ABLIM2: variants seen among roughly 807,000 people sequenced by gnomAD.
ABLIM2 encodes actin binding LIM protein family member 2.
A neutral mutation model predicts 97.7 loss-of-function variants in ABLIM2; 53 were observed. The observed-to-expected ratio is 0.54, with a 90% CI of 0.44 to 0.68. ABLIM2 has a LOEUF of 0.68. Ranked by LOEUF, ABLIM2 falls within the 30% of genes least tolerant of loss-of-function variation. The pLI is 0.00. For synonymous variants in ABLIM2, 361 were observed against 345.8 expected (o/e 1.04, Z -0.49); for missense variants, 835 against 867.2 (o/e 0.96, Z 0.47).
rs1203704022 is a variant in ABLIM2, at chr4:8,075,133, C to CT, written c.675+2494dup. 6.6e-6 allele frequency among the ~76,000 whole-genome samples: 1 copy of CT among 152,202 alleles called. No homozygotes were observed. The highest frequency in any genetic ancestry group is 1.5e-5 in the Non-Finnish European group (1 of 68,050). On this transcript the variant is annotated intron_variant, in intron 6 of 20. Coordinates refer to ENST00000447017, the MANE Select transcript of ABLIM2 (RefSeq NM_001130083.2). This position sits in a 1 kb window ranked among gnomAD's most constrained non-coding sequence, Gnocchi z 4.4. ...GATGAAATATGATGCGAGAGTAAAG[C>CT]TTATGTCCGAACGAACCTTGAAAAC...
intron 1 of ABLIM2, 138 bp from the exon 2 acceptor site, chr4:8,106,775 G>T: frequency 9.1e-7 from 1 of 1,097,438 alleles, no homozygotes. Context: ...ACGGGGCATC[G>T]GGGTCGGTCT....
intron 17 of ABLIM2, chr4:7,989,462 C>T (rs1747017043): frequency 1.0e-6 from 1 of 985,158 alleles, no homozygotes; most frequent in Middle Eastern, 5.2e-4. Flanking sequence ...TGCCATGTTG[C>T]TTGGTGCATT....
chr4:8,079,958 T>C (rs1318381242), intron 5 of ABLIM2, among the ~76,000 whole-genome samples: 4 of 152,142 alleles, frequency 2.6e-5, no homozygotes, highest in African/African-American at 9.7e-5. Context: ...CTTCAGCTCG[T>C]CCACATATTC....
In ABLIM2 at chr4:7,970,199, C is replaced by G. The variant is rs375600428; in HGVS notation, c.1825-3096G>C. On this transcript the variant is annotated intron_variant, in intron 20 of 20. Coordinates refer to ENST00000447017, the MANE Select transcript of ABLIM2 (RefSeq NM_001130083.2). The surrounding 1 kb of genome is among the most constrained non-coding windows in gnomAD (Gnocchi z 5.3). ...GGTAGGCTGGGGTGGTGAACTGACA[C>G]GTAAGTAAATATGTAAAGGAGGGGA... Among the ~76,000 whole-genome samples, 2 of 152,046 alleles carry G rather than the reference C, an allele frequency of 1.3e-5. No individual in the cohort carries two copies. The highest frequency in any genetic ancestry group is 6.6e-5 in the Admixed American group (1 of 15,260).
chr4:8,087,291 C>T lies in ABLIM2; in HGVS notation c.454+878G>A, dbSNP rs1824313122. 6.6e-6 allele frequency among the ~76,000 whole-genome samples: 1 copy of T among 152,186 alleles called. No homozygotes were observed. Among genetic ancestry groups the T allele is most frequent in the South Asian group, 2.1e-4 (1 of 4,836 alleles). On this transcript the variant is annotated intron_variant, in intron 4 of 20. Transcript: ENST00000447017. This position sits in a 1 kb window ranked among gnomAD's most constrained non-coding sequence, Gnocchi z 4.6. ...TGTGCCATCTCATGATCCGGCAGAG[C>T]CACCCCAGCTGGGAAAGGCCACCTG...
chr4:8,056,821 G>A (rs1379472352), intron 7 of ABLIM2, among the ~76,000 whole-genome samples: 1 of 150,332 alleles, frequency 6.7e-6, no homozygotes, highest in Non-Finnish European at 1.5e-5. Flanking sequence ...AGTCCCAGCT[G>A]CTCGGGAGGC....
chr4:8,095,851 C>T lies in ABLIM2; in HGVS notation c.338+1248G>A, dbSNP rs1831303368. Among the ~76,000 whole-genome samples, 1 of 152,188 alleles carries T rather than the reference C, an allele frequency of 6.6e-6. No individual in the cohort carries two copies. The highest frequency in any genetic ancestry group is 1.5e-5 in the Non-Finnish European group (1 of 68,050). Reference sequence around the variant, plus strand: ...GCCCTGGACAGGACTCAGATGTTTCCCAAATCCAGGAATTGTTTCGCTTGC... The same window carrying T: ...GCCCTGGACAGGACTCAGATGTTTCTCAAATCCAGGAATTGTTTCGCTTGC... On this transcript the variant is annotated intron_variant, in intron 3 of 20. Coordinates refer to ENST00000447017, the MANE Select transcript of ABLIM2 (RefSeq NM_001130083.2). This position sits in a 1 kb window ranked among gnomAD's most constrained non-coding sequence, Gnocchi z 4.7.
chr4:8,078,454 C>G (rs1366497388), intron 5 of ABLIM2, among the ~76,000 whole-genome samples: 1 of 152,252 alleles, frequency 6.6e-6, no homozygotes, highest in Non-Finnish European at 1.5e-5. Context: ...TCCGAGTCTC[C>G]ATAAATGAGC....
chr4:8,145,970 T>C (rs927492620), intron 1 of ABLIM2, among the ~76,000 whole-genome samples: 2 of 152,234 alleles, frequency 1.3e-5, no homozygotes, highest in Non-Finnish European at 2.9e-5. Flanking sequence ...GCCACTAGCA[T>C]GTCCTTAAAA....
intron 2 of ABLIM2, among the ~76,000 whole-genome samples, chr4:8,105,793 T>TGGAA (rs1837079233): frequency 6.6e-6 from 1 of 152,216 alleles, no homozygotes; most frequent in African/African-American, 2.4e-5. Context: ...GCACATCCCT[T>TGGAA]CCTCCAGTGC....
chr4:8,116,263 T>A (rs1187480514), intron 1 of ABLIM2, among the ~76,000 whole-genome samples: 2 of 152,176 alleles, frequency 1.3e-5, no homozygotes, highest in Admixed American at 1.3e-4. Flanking sequence ...GCCCCAGACA[T>A]CAAAAGACCT....
At position 8,033,924 on chromosome 4, in the gene ABLIM2, T is replaced by G. The variant is rs1022194084; in HGVS notation, c.1047+2225A>C. Among the ~76,000 whole-genome samples, 1 of 152,170 alleles carries G rather than the reference T, an allele frequency of 6.6e-6. No homozygotes were observed. The highest frequency in any genetic ancestry group is 1.5e-5 in the Non-Finnish European group (1 of 68,012). Reference sequence around the variant, plus strand: ...CATCACCTCTGCATGTGGCCCTTCATGGCCACAGAGCCCTCCCACAGGGAC... The same window carrying G: ...CATCACCTCTGCATGTGGCCCTTCAGGGCCACAGAGCCCTCCCACAGGGAC... On this transcript the variant is annotated intron_variant, in intron 10 of 20. Transcript: ENST00000447017. This position sits in a 1 kb window ranked among gnomAD's most constrained non-coding sequence, Gnocchi z 4.5.
At chr4:8,051,525 C>T (rs1327981049) in intron 8 of ABLIM2, among the ~76,000 whole-genome samples, 1 of 141,638 alleles carries the variant, frequency 7.1e-6, no homozygotes, top group Non-Finnish European at 1.5e-5. Context: ...CCACTGGCCA[C>T]TGCACTCCAG....
chr4:8,127,622 G>T lies in ABLIM2; in HGVS notation c.11-20985C>A, dbSNP rs1241231965. 3.9e-6 allele frequency: 5 copies of T among 1,289,150 alleles called. No homozygotes were observed. The highest frequency in any genetic ancestry group is 5.1e-6 in the Non-Finnish European group (5 of 988,422). The allele number at this position is 1,289,150 out of a possible 1,614,324, so 79.9% of individuals were successfully genotyped here. On this transcript the variant is annotated intron_variant, in intron 1 of 20. Coordinates refer to ENST00000447017, the MANE Select transcript of ABLIM2 (RefSeq NM_001130083.2). The surrounding 1 kb of genome is among the most constrained non-coding windows in gnomAD (Gnocchi z 7.3). ...AGCGGGTCGGCGGCTCTCCCTCTGC[G>T]TGGCTGGGCCTGGCACCCACGGAGG...
chr4:8,056,147 A>C (rs967136304), intron 7 of ABLIM2, among the ~76,000 whole-genome samples: 5 of 145,986 alleles, frequency 3.4e-5, no homozygotes, highest in African/African-American at 1.3e-4. Context: ...AAAGTAACAG[A>C]TGTCTCTTAT....
At chr4:8,111,821 G>A (rs1378834529) in intron 1 of ABLIM2, among the ~76,000 whole-genome samples, 1 of 151,058 alleles carries the variant, frequency 6.6e-6, no homozygotes, top group African/African-American at 2.4e-5. Flanking sequence ...AGCTACTCGA[G>A]AGGCTGAGGC....
chr4:8,116,205 G>A lies in ABLIM2; in HGVS notation c.11-9568C>T, dbSNP rs138836458. Among the ~76,000 whole-genome samples, 271 of 152,334 alleles carry A rather than the reference G, an allele frequency of 1.8e-3. 2 individuals are homozygous for A. Among genetic ancestry groups the A allele is most frequent in the African/African-American group, 6.0e-3 (249 of 41,582 alleles). ...TTGTCTTATGCCACTGAGGCTTGGGGTGGTTTGTTAGGCAGCCATTGAAAA... is the reference window on the plus strand; with the variant it reads ...TTGTCTTATGCCACTGAGGCTTGGGATGGTTTGTTAGGCAGCCATTGAAAA... On this transcript the variant is annotated intron_variant, in intron 1 of 20. Coordinates refer to ENST00000447017, the MANE Select transcript of ABLIM2 (RefSeq NM_001130083.2).
intron 5 of ABLIM2, among the ~76,000 whole-genome samples, chr4:8,079,234 T>A (rs536741520): frequency 6.6e-6 from 1 of 152,330 alleles, no homozygotes; most frequent in East Asian, 1.9e-4. Context: ...AGGACTCCCG[T>A]AATAACCCAC....
At chr4:8,049,052 G>C (rs1794350432) in intron 8 of ABLIM2, among the ~76,000 whole-genome samples, 1 of 152,212 alleles carries the variant, frequency 6.6e-6, no homozygotes, top group African/African-American at 2.4e-5. Context: ...GCTCCAGGAA[G>C]CCGCCTGTGA....
Sources: allele counts gnomAD v4.1 joint callset (sites outside exome capture counted in the v4.1 genomes callset), GRCh38; gene constraint gnomAD v4.1.1; non-coding constraint Gnocchi (gnomAD v3.1); transcripts MANE v1.5; gene names NCBI Gene and HGNC (gene_info 2026-07-23, HGNC 2026-07-21).